The following KCNH1 variants were observed in gnomAD, a reference collection of about 807,000 sequenced individuals.
KCNH1 encodes the protein voltage-gated delayed rectifier potassium channel KCNH1.
In KCNH1, 27 loss-of-function variants were observed where a neutral mutation model predicts 69.2. The observed-to-expected ratio is 0.39, with a 90% confidence interval of 0.29 to 0.54. The LOEUF is 0.54. Among genes scored for constraint, KCNH1 ranks in the 20% least tolerant of loss-of-function variants. KCNH1 has a pLI of 0.68. For synonymous variants in KCNH1, 456 were observed against 487.7 expected (o/e 0.93, Z 0.86); for missense variants, 798 against 1,261.6 (o/e 0.63, Z 5.57).
intron 10 of KCNH1, among the ~76,000 whole-genome samples, chr1:210,718,675 C>G (rs1031964642): frequency 5.3e-5 from 6 of 112,806 alleles, no homozygotes; most frequent in African/African-American, 7.8e-5. Context: ...CACACACACA[C>G]ACACACACAC....
At chr1:211,075,873 CACCCAAAT>C (rs1381517676) in intron 5 of KCNH1, among the ~76,000 whole-genome samples, 1 of 152,228 alleles carries the variant, frequency 6.6e-6, no homozygotes, top group Non-Finnish European at 1.5e-5. Flanking sequence ...GGGATACTCC[CACCCAAAT>C]ACTGTGCTTT....
chr1:210,713,057 G>A lies in KCNH1; in HGVS notation c.2113-28919C>T, dbSNP rs559212273. 2.1e-3 allele frequency among the ~76,000 whole-genome samples: 313 copies of A among 152,120 alleles called. 1 individual carries two copies. Among genetic ancestry groups the A allele is most frequent in the African/African-American group, 7.3e-3 (303 of 41,486 alleles). Reference sequence around the variant, plus strand: ...GTGCAGGCAATATTCCTTTAACTGGGGTTTGCTCCTGTGTTTGTCAATTTA... The same window carrying A: ...GTGCAGGCAATATTCCTTTAACTGGAGTTTGCTCCTGTGTTTGTCAATTTA... On this transcript the variant is annotated intron_variant, in intron 10 of 10. Transcript: ENST00000271751.
chr1:210,966,849 A>G (rs1163941655), intron 6 of KCNH1, among the ~76,000 whole-genome samples: 2 of 152,240 alleles, frequency 1.3e-5, no homozygotes, highest in Non-Finnish European at 2.9e-5. Flanking sequence ...CATTTGACCC[A>G]GCAATTCCAT....
intron 7 of KCNH1, among the ~76,000 whole-genome samples, chr1:210,853,879 A>G (rs1269965865): frequency 7.0e-6 from 1 of 143,026 alleles, no homozygotes; most frequent in Non-Finnish European, 1.5e-5. Context: ...TTCTTCTTCT[A>G]GGAGACTGAT....
chr1:211,006,420 A>G (rs569328518), intron 6 of KCNH1, among the ~76,000 whole-genome samples: 1 of 152,224 alleles, frequency 6.6e-6, no homozygotes, highest in Non-Finnish European at 1.5e-5. Flanking sequence ...TCTCAAAAGC[A>G]GTACTGAACA....
intron 7 of KCNH1, among the ~76,000 whole-genome samples, chr1:210,837,511 G>A (rs941954083): frequency 6.6e-6 from 1 of 152,160 alleles, no homozygotes; most frequent in Non-Finnish European, 1.5e-5. Flanking sequence ...ATGACAAAGA[G>A]AGAAAATCCA....
chr1:210,804,801 C>G (rs949489795), intron 7 of KCNH1, among the ~76,000 whole-genome samples: 9 of 152,180 alleles, frequency 5.9e-5, no homozygotes, highest in African/African-American at 1.9e-4. Context: ...TTGTTTTGCA[C>G]TTACTGTTAG....
At chr1:211,000,277 C>T (rs1277601365) in intron 6 of KCNH1, among the ~76,000 whole-genome samples, 2 of 152,014 alleles carry the variant, frequency 1.3e-5, no homozygotes, top group South Asian at 4.1e-4. Context: ...TCATCTCAGC[C>T]CAAAATCTCC....
chr1:210,715,942 A>G (rs1296855007), intron 10 of KCNH1, among the ~76,000 whole-genome samples: 2 of 152,166 alleles, frequency 1.3e-5, no homozygotes, highest in Non-Finnish European at 2.9e-5. Context: ...TCCAGGGGAC[A>G]TGCCACCCTG....
At chr1:211,010,311 G>A (rs1337138181) in intron 6 of KCNH1, among the ~76,000 whole-genome samples, 3 of 152,050 alleles carry the variant, frequency 2.0e-5, no homozygotes, top group South Asian at 4.1e-4. Flanking sequence ...GCAGGGACAC[G>A]TTATTTCCCT....
At chr1:210,909,073 T>C (rs527327575) in intron 7 of KCNH1, among the ~76,000 whole-genome samples, 5 of 152,296 alleles carry the variant, frequency 3.3e-5, no homozygotes, top group Non-Finnish European at 5.9e-5. Context: ...TTCTCTCCCA[T>C]GCATGCAAAG....
At chr1:210,977,502 C>A (rs1688637212) in intron 6 of KCNH1, among the ~76,000 whole-genome samples, 1 of 151,920 alleles carries the variant, frequency 6.6e-6, no homozygotes, top group African/African-American at 2.4e-5. Flanking sequence ...CCACCCTCAG[C>A]TCCCGGTAAC....
intron 7 of KCNH1, among the ~76,000 whole-genome samples, chr1:210,852,679 A>G (rs1224502510): frequency 6.6e-6 from 1 of 152,224 alleles, no homozygotes; most frequent in Non-Finnish European, 1.5e-5. Context: ...ATATTTAGGC[A>G]AACGCGCTTG....
intron 6 of KCNH1, among the ~76,000 whole-genome samples, chr1:210,974,721 G>A (rs753965070): frequency 7.3e-5 from 11 of 151,718 alleles, no homozygotes; most frequent in Non-Finnish European, 1.3e-4. Flanking sequence ...GTGACACTAC[G>A]CCCGGCTAAT....
intron 10 of KCNH1, among the ~76,000 whole-genome samples, chr1:210,684,708 G>A (rs983046857): frequency 3.9e-5 from 6 of 152,256 alleles, no homozygotes; most frequent in African/African-American, 1.4e-4. Context: ...GTGGTTGGCT[G>A]TGAAAAGTAA....
intron 7 of KCNH1, among the ~76,000 whole-genome samples, chr1:210,909,328 C>T (rs914675142): frequency 3.9e-5 from 6 of 152,234 alleles, no homozygotes; most frequent in African/African-American, 1.2e-4. Context: ...CCTTTACACA[C>T]TCATCCAACA....
At chr1:211,121,575 A>G (rs572827633) in intron 1 of KCNH1, among the ~76,000 whole-genome samples, 38 of 152,300 alleles carry the variant, frequency 2.5e-4, no homozygotes, top group African/African-American at 8.7e-4. Flanking sequence ...AACCATAAAA[A>G]CCCTAGAAGA....
chr1:211,116,381 AT>A (rs2102494045), intron 1 of KCNH1, among the ~76,000 whole-genome samples: 1 of 152,166 alleles, frequency 6.6e-6, no homozygotes, highest in South Asian at 2.1e-4. Context: ...CAACTTGCAA[AT>A]TTTCAATGCC....
chr1:210,812,644 G>T (rs190508597), intron 7 of KCNH1, among the ~76,000 whole-genome samples: 66 of 152,328 alleles, frequency 4.3e-4, no homozygotes, highest in Non-Finnish European at 6.9e-4. Flanking sequence ...TAGCTGTGCT[G>T]TTGCCTATGC....
Sources: allele counts gnomAD v4.1 joint callset (sites outside exome capture counted in the v4.1 genomes callset), GRCh38; gene constraint gnomAD v4.1.1; transcripts MANE v1.5; gene names NCBI Gene and HGNC (gene_info 2026-07-23, HGNC 2026-07-21).